Variants in KMT2C observed in about 807,000 individuals in gnomAD.
The protein encoded by KMT2C is histone-lysine N-methyltransferase 2C.
Under a neutral mutation model 507.9 loss-of-function variants are expected in KMT2C, and 88 were observed. The observed-to-expected ratio is 0.17, with a 90% CI of 0.15 to 0.21. The LOEUF is 0.21. Among genes scored for constraint, KMT2C ranks in the 10% least tolerant of loss-of-function variants. The pLI is 1.00. For synonymous variants in KMT2C, 2,049 were observed against 2,080.8 expected (o/e 0.98, Z 0.42); for missense variants, 4,954 against 5,957.8 (o/e 0.83, Z 5.55).
At chr7:152,149,250 G>A in intron 51 of KMT2C, 98 bp from the exon 52 acceptor site, 1 of 1,190,240 alleles carries the variant, frequency 8.4e-7, no homozygotes, top group Non-Finnish European at 1.1e-6. Flanking sequence ...GACTGAAGAG[G>A]ATGGGTGACC....
intron 14 of KMT2C, among the ~76,000 whole-genome samples, chr7:152,239,628 A>C (rs1454203963): frequency 1.3e-4 from 20 of 152,144 alleles, no homozygotes; most frequent in Admixed American, 5.2e-4. Flanking sequence ...ACTTCCAAAC[A>C]ACCACATTCA....
intron 6 of KMT2C, among the ~76,000 whole-genome samples, chr7:152,282,459 A>C (rs1292733746): frequency 6.6e-6 from 1 of 152,274 alleles, no homozygotes; most frequent in Non-Finnish European, 1.5e-5. Context: ...CGGTAAAATA[A>C]ATAAATTATA....
intron 18 of KMT2C, among the ~76,000 whole-genome samples, chr7:152,226,173 G>C (rs1038543994): frequency 2.7e-5 from 4 of 148,306 alleles, no homozygotes; most frequent in Non-Finnish European, 4.5e-5. Context: ...GACTGCCTCA[G>C]ACGTGGAGGT....
intron 23 of KMT2C, among the ~76,000 whole-genome samples, chr7:152,211,949 G>A (rs2094464023): frequency 6.6e-6 from 1 of 152,180 alleles, no homozygotes; most frequent in Non-Finnish European, 1.5e-5. Context: ...TCCAGAGGCT[G>A]AGGCAAGAGA....
At chr7:152,263,555 T>C (rs2095814948) in intron 8 of KMT2C, among the ~76,000 whole-genome samples, 1 of 152,210 alleles carries the variant, frequency 6.6e-6, no homozygotes, top group Non-Finnish European at 1.5e-5. Flanking sequence ...TCTCTATTTG[T>C]ATTCAGGCTG....
chr7:152,326,830 G>C (rs1274774548), intron 3 of KMT2C, among the ~76,000 whole-genome samples: 1 of 152,178 alleles, frequency 6.6e-6, no homozygotes, highest in Non-Finnish European at 1.5e-5. Flanking sequence ...GCAGTGAGCT[G>C]AGATCGTGCC....
At chr7:152,373,243 ATTTG>A (rs528572732) in intron 1 of KMT2C, among the ~76,000 whole-genome samples, 10 of 152,258 alleles carry the variant, frequency 6.6e-5, no homozygotes, top group East Asian at 3.9e-4. Flanking sequence ...AAAAAATATT[ATTTG>A]TTTATTACTG....
At chr7:152,364,775 C>T (rs541937205) in intron 1 of KMT2C, among the ~76,000 whole-genome samples, 101 of 151,870 alleles carry the variant, frequency 6.7e-4, no homozygotes, top group South Asian at 1.9e-3. Flanking sequence ...GCTACAGTGC[C>T]CTGTGGAATA....
At chr7:152,216,128 A>G (rs1368273695) in intron 23 of KMT2C, among the ~76,000 whole-genome samples, 1 of 152,038 alleles carries the variant, frequency 6.6e-6, no homozygotes, top group African/African-American at 2.4e-5. Flanking sequence ...ACACATCCAT[A>G]CACTGTGATG....
At chr7:152,226,628 G>C (rs1244096802) in intron 18 of KMT2C, among the ~76,000 whole-genome samples, 2 of 152,136 alleles carry the variant, frequency 1.3e-5, no homozygotes, top group Non-Finnish European at 2.9e-5. Flanking sequence ...AGATTACCAA[G>C]TTAATGTATT....
At chr7:152,302,246 T>A (rs767069678) in intron 6 of KMT2C, among the ~76,000 whole-genome samples, 20 of 151,700 alleles carry the variant, frequency 1.3e-4, no homozygotes, top group Non-Finnish European at 2.8e-4. Context: ...AAACACCTGG[T>A]TTTTTTTGAG....
rs759226598 is a variant in KMT2C at position 152,199,428 on chromosome 7, G to C, written c.4124C>G (p.Thr1375Arg). 5 of 1,566,382 alleles carry C rather than the reference G, an allele frequency of 3.2e-6. No homozygotes were observed. The African/African-American group carries it at 4.2e-5, about 13-fold the overall frequency. The change falls in exon 27 of 59, where the codon ACA (threonine) becomes AGA (arginine). Residue 1375 changes from threonine to arginine, a missense_variant. Physicochemically the swap from Thr to Arg is moderately conservative, Grantham distance 71. This residue lies in a region of KMT2C where 140 missense variants were observed against 118.4 expected (regional missense o/e 1.18). Transcript: ENST00000262189. ...EAFFGKDLLD[T>R]SRQSKISLDN... ...TAAACTTATCTTGCTTTGTCTACTTGTATCTAGAAGATCTTTTCCAAAGAA... is the reference window on the plus strand; with the variant it reads ...TAAACTTATCTTGCTTTGTCTACTTCTATCTAGAAGATCTTTTCCAAAGAA...
chr7:152,331,470 A>G (rs2096881931), intron 2 of KMT2C, among the ~76,000 whole-genome samples: 1 of 151,720 alleles, frequency 6.6e-6, no homozygotes, highest in Admixed American at 6.6e-5. Context: ...TTAGCTAAGC[A>G]TAGTGGCACA....
At chr7:152,266,726 C>T (rs1167768937) in intron 7 of KMT2C, among the ~76,000 whole-genome samples, 1 of 152,304 alleles carries the variant, frequency 6.6e-6, no homozygotes, top group African/African-American at 2.4e-5. Context: ...TGAGCCATAG[C>T]AGTCTCTGAC....
rs1307130555 is a variant in KMT2C at position 152,435,965 on chromosome 7, G to A, written c.-179C>T. 11 of 487,256 alleles carry A rather than the reference G, an allele frequency of 2.3e-5. 1 individual carries two copies. The highest frequency in any genetic ancestry group is 1.1e-4 in the East Asian group (3 of 26,138). The allele number at this position is 487,256 out of a possible 1,614,324, so 30.2% of individuals were successfully genotyped here. A position where few individuals can be genotyped will look rare whatever the true frequency, so the allele number is the denominator to read the frequency against. On this transcript the variant is annotated 5_prime_UTR_variant, in exon 1 of 59. Coordinates refer to ENST00000262189, the MANE Select transcript of KMT2C (RefSeq NM_170606.3). ...GAGAGGCGGCAACATGGAGCGAGCA[G>A]GACACGCACTCACACACATCGGCGC...
At chr7:152,371,770 C>T (rs2097295412) in intron 1 of KMT2C, among the ~76,000 whole-genome samples, 2 of 152,034 alleles carry the variant, frequency 1.3e-5, no homozygotes, top group Admixed American at 6.6e-5. Context: ...CATGCCACCA[C>T]ACCTGGCTAA....
chr7:152,161,275 C>T (rs1284392421), intron 43 of KMT2C, among the ~76,000 whole-genome samples: 6 of 152,146 alleles, frequency 3.9e-5, no homozygotes, highest in Non-Finnish European at 8.8e-5. Flanking sequence ...AAAAGATGAG[C>T]TTCATTAACA....
chr7:152,422,389 A>T (rs1030127420), intron 1 of KMT2C, among the ~76,000 whole-genome samples: 3 of 151,866 alleles, frequency 2.0e-5, no homozygotes, highest in African/African-American at 7.3e-5. Flanking sequence ...CAGGAGGCGG[A>T]GGTTGCAGTG....
intron 31 of KMT2C, among the ~76,000 whole-genome samples, 199 bp from the exon 32 acceptor site, chr7:152,188,046 A>T (rs1357526195): frequency 6.6e-6 from 1 of 152,192 alleles, no homozygotes; most frequent in East Asian, 1.9e-4. Context: ...CAAGCTCCAT[A>T]GGGCCAACAT....
Sources: allele counts gnomAD v4.1 joint callset (sites outside exome capture counted in the v4.1 genomes callset), GRCh38; gene constraint gnomAD v4.1.1; regional missense constraint gnomAD v4.1.1; transcripts MANE v1.5; gene names NCBI Gene and HGNC (gene_info 2026-07-23, HGNC 2026-07-21).